Variants in CSMD1 observed in about 807,000 individuals in gnomAD.
The protein encoded by CSMD1 is CUB and sushi domain-containing protein 1.
In CSMD1, 213 loss-of-function variants were observed where a neutral mutation model predicts 417.5. The ratio of observed to expected loss-of-function variants is 0.51; its 90% CI spans 0.46 to 0.57. The LOEUF (loss-of-function observed/expected upper bound fraction) is 0.57, where lower values mean the gene tolerates loss of function less well. Among genes scored for constraint, CSMD1 ranks in the 20% least tolerant of loss-of-function variants. CSMD1 has a pLI of 0.00. For synonymous variants in CSMD1, 2,862 were observed against 1,736.8 expected (o/e 1.65, Z -16.11); for missense variants, 6,923 against 4,529.7 (o/e 1.53, Z -15.17).
At chr8:3,705,469 C>T (rs542390732) in intron 7 of CSMD1, among the ~76,000 whole-genome samples, 76 of 152,292 alleles carry the variant, frequency 5.0e-4, no homozygotes, top group Non-Finnish European at 8.5e-4. Context: ...GACAGCCTCA[C>T]ACTCTACAGT....
chr8:4,500,210 G>A (rs1802187406), intron 2 of CSMD1, among the ~76,000 whole-genome samples: 1 of 151,754 alleles, frequency 6.6e-6, no homozygotes, highest in South Asian at 2.1e-4. Context: ...GGAACTCCAG[G>A]GAGAGGTTGG....
rs1315061421 is a variant in CSMD1 at position 3,671,528 on chromosome 8, C to G, written c.1009+36886G>C. Among the ~76,000 whole-genome samples, 2 of 50,210 alleles carry G rather than the reference C, an allele frequency of 4.0e-5. 1 individual carries two copies. The highest frequency in any genetic ancestry group is 1.3e-4 in the African/African-American group (2 of 15,926). The allele number at this position is 50,210 out of a possible 152,430, so 32.9% of individuals were successfully genotyped here. A position where few individuals can be genotyped will look rare whatever the true frequency, so the allele number is the denominator to read the frequency against. On this transcript the variant is annotated intron_variant, in intron 7 of 69. Transcript: ENST00000635120. Reference sequence around the variant, plus strand: ...ATATATATATGATCATATATATGATCATATATATATATATATGATCATATA... The same window carrying G: ...ATATATATATGATCATATATATGATGATATATATATATATATGATCATATA...
At chr8:4,369,200 C>T (rs1374148167) in intron 3 of CSMD1, among the ~76,000 whole-genome samples, 3 of 152,106 alleles carry the variant, frequency 2.0e-5, no homozygotes, top group African/African-American at 4.8e-5. Flanking sequence ...TAATTTCATT[C>T]TTTACCTAAA....
At chr8:4,368,806 A>G (rs1050898755) in intron 3 of CSMD1, among the ~76,000 whole-genome samples, 2 of 152,072 alleles carry the variant, frequency 1.3e-5, no homozygotes, top group African/African-American at 4.8e-5. Flanking sequence ...ATAGGTTGTA[A>G]TGTCAGCTTT....
chr8:4,403,938 G>A (rs1047436623), intron 3 of CSMD1, among the ~76,000 whole-genome samples: 2 of 152,164 alleles, frequency 1.3e-5, no homozygotes, highest in African/African-American at 4.8e-5. Flanking sequence ...GCCTTTTGAA[G>A]TGTCCTCTTT....
intron 3 of CSMD1, among the ~76,000 whole-genome samples, chr8:4,100,118 G>A (rs78748026): frequency 2.0e-5 from 3 of 152,162 alleles, no homozygotes; most frequent in East Asian, 1.9e-4. Context: ...TGACTCCGGG[G>A]AAATTACTTA....
intron 37 of CSMD1, among the ~76,000 whole-genome samples, chr8:3,165,360 C>T (rs904407831): frequency 6.6e-6 from 1 of 152,094 alleles, no homozygotes; most frequent in African/African-American, 2.4e-5. Context: ...TGCACTAATT[C>T]GCTTGCAACA....
chr8:4,401,787 C>T (rs886592657), intron 3 of CSMD1, among the ~76,000 whole-genome samples: 1 of 152,180 alleles, frequency 6.6e-6, no homozygotes, highest in African/African-American at 2.4e-5. Context: ...CCCTGTCCAG[C>T]AGTGCTTCCT....
intron 2 of CSMD1, among the ~76,000 whole-genome samples, chr8:4,466,835 C>G (rs1800201681): frequency 6.6e-6 from 1 of 151,856 alleles, no homozygotes; most frequent in South Asian, 2.1e-4. Flanking sequence ...ATTCAGAGAG[C>G]AGGGGAAACA....
chr8:3,866,361 A>C (rs1207976296), intron 5 of CSMD1, among the ~76,000 whole-genome samples: 2 of 152,244 alleles, frequency 1.3e-5, no homozygotes, highest in Non-Finnish European at 2.9e-5. Flanking sequence ...ACTGGAATAC[A>C]GAACATTCAT....
intron 2 of CSMD1, among the ~76,000 whole-genome samples, chr8:4,598,365 T>A (rs1311446522): frequency 1.3e-5 from 2 of 152,198 alleles, no homozygotes; most frequent in African/African-American, 4.8e-5. Flanking sequence ...TAGGGGCTGG[T>A]GCCTAGATAT....
intron 33 of CSMD1, among the ~76,000 whole-genome samples, chr8:3,193,797 A>T (rs1393070796): frequency 6.6e-6 from 1 of 152,132 alleles, no homozygotes; most frequent in Non-Finnish European, 1.5e-5. Context: ...AGCAGCGCAA[A>T]TGTGTGCTCA....
At chr8:4,872,617 T>A (rs1223061794) in intron 1 of CSMD1, among the ~76,000 whole-genome samples, 1 of 152,084 alleles carries the variant, frequency 6.6e-6, no homozygotes, top group Non-Finnish European at 1.5e-5. Context: ...CTCAGGCAGT[T>A]CTTTACAGTG....
chr8:4,133,532 C>G (rs1803236706), intron 3 of CSMD1, among the ~76,000 whole-genome samples: 1 of 152,310 alleles, frequency 6.6e-6, no homozygotes, highest in South Asian at 2.1e-4. Flanking sequence ...ACTTTTCCTT[C>G]TCCTCCTCAT....
chr8:4,314,742 C>T (rs939414187), intron 3 of CSMD1, among the ~76,000 whole-genome samples: 4 of 152,150 alleles, frequency 2.6e-5, no homozygotes, highest in South Asian at 2.1e-4. Context: ...TTCTCATTTA[C>T]ACATCTGACC....
At chr8:3,244,189 C>G (rs1479893166) in intron 26 of CSMD1, among the ~76,000 whole-genome samples, 12 of 152,204 alleles carry the variant, frequency 7.9e-5, no homozygotes, top group Admixed American at 7.2e-4. Context: ...GTAGAATTGG[C>G]TCCTGGCTAG....
intron 5 of CSMD1, among the ~76,000 whole-genome samples, chr8:3,804,403 A>T (rs1800618839): frequency 6.6e-6 from 1 of 152,200 alleles, no homozygotes; most frequent in Admixed American, 6.5e-5. Context: ...AAATACATTA[A>T]TTAAATTTTG....
chr8:3,809,419 C>T (rs896849329), intron 5 of CSMD1, among the ~76,000 whole-genome samples: 3 of 152,184 alleles, frequency 2.0e-5, no homozygotes, highest in Non-Finnish European at 2.9e-5. Context: ...CCTTTGTTTC[C>T]TTCTCCATCA....
intron 1 of CSMD1, among the ~76,000 whole-genome samples, chr8:4,909,446 G>C (rs776104563): frequency 6.6e-6 from 1 of 152,146 alleles, no homozygotes; most frequent in Non-Finnish European, 1.5e-5. Context: ...AAAGGGGTCT[G>C]TCTGACATGG....
Sources: allele counts gnomAD v4.1 joint callset (sites outside exome capture counted in the v4.1 genomes callset), GRCh38; gene constraint gnomAD v4.1.1; transcripts MANE v1.5; gene names NCBI Gene and HGNC (gene_info 2026-07-23, HGNC 2026-07-21).